PMM2: variants seen among roughly 807,000 people sequenced by gnomAD.
The protein encoded by PMM2 is phosphomannomutase 2.
Under a neutral mutation model 33.2 loss-of-function variants are expected in PMM2, and 35 were observed. That is an observed-to-expected ratio of 1.06 (90% CI 0.81 to 1.40). The LOEUF (loss-of-function observed/expected upper bound fraction) is 1.40, where lower values mean the gene tolerates loss of function less well. Ranked by LOEUF, PMM2 falls within the 40% of genes most tolerant of loss-of-function variation. The pLI, the probability that PMM2 is intolerant of heterozygous loss-of-function variation, is 0.00. For missense variants in PMM2, 386 were observed against 306.0 expected, an observed-to-expected ratio of 1.26 and a Z score of -1.95; for synonymous variants, 153 against 114.7, an observed-to-expected ratio of 1.33 and a Z score of -2.13.
chr16:8,812,982 AC>A lies in PMM2; in HGVS notation c.524-6del, dbSNP rs746143153. The A allele has an allele frequency of 1.3e-6, 2 of 1,544,778 alleles. No homozygotes were observed. The highest frequency in any genetic ancestry group is 1.8e-6 in the Non-Finnish European group (2 of 1,116,692). On this transcript the variant is annotated splice_polypyrimidine_tract_variant and splice_region_variant and intron_variant, in intron 6 of 7. Coordinates refer to ENST00000268261, the MANE Select transcript of PMM2 (RefSeq NM_000303.3). ...TTTTGCCTTTGTGTGCCCCGTCCCCACCCGGCAGGAGGCCAGATCAGCTTTG... is the reference window on the plus strand; with the variant it reads ...TTTTGCCTTTGTGTGCCCCGTCCCCACCGGCAGGAGGCCAGATCAGCTTTG...
intron 7 of PMM2, among the ~76,000 whole-genome samples, chr16:8,844,084 A>G (rs1448036051): frequency 2.6e-5 from 4 of 152,170 alleles, no homozygotes; most frequent in African/African-American, 9.7e-5. Context: ...AATTATTTAG[A>G]TCTTGCAGGA....
intron 7 of PMM2, among the ~76,000 whole-genome samples, chr16:8,843,476 C>T (rs1050615248): frequency 1.3e-4 from 20 of 150,546 alleles, no homozygotes; most frequent in Admixed American, 9.3e-4. Flanking sequence ...AGATGGGACA[C>T]GGCTTAGGAG....
At chr16:8,816,117 G>C (rs1304180303) in intron 7 of PMM2, among the ~76,000 whole-genome samples, 1 of 152,120 alleles carries the variant, frequency 6.6e-6, no homozygotes, top group East Asian at 1.9e-4. Flanking sequence ...ACACCTGCCA[G>C]GATGGCCATT....
chr16:8,825,183 A>G (rs148603899), intron 7 of PMM2, among the ~76,000 whole-genome samples: 1,771 of 152,138 alleles, frequency 0.012, 31 homozygotes, highest in African/African-American at 0.041. Context: ...GGCGTGTGCC[A>G]CCACGCCTGG....
intron 4 of PMM2, chr16:8,810,485 T>C (rs1162205129): frequency 6.5e-6 from 1 of 153,748 alleles, no homozygotes; most frequent in Non-Finnish European, 1.4e-5. Context: ...TTTTAAATTT[T>C]CTGTAGCCAC....
chr16:8,847,703 C>G lies in PMM2; in HGVS notation c.640-21C>G, dbSNP rs748936943. 4 of 1,575,054 alleles carry G rather than the reference C, an allele frequency of 2.5e-6. No individual in the cohort carries two copies. The South Asian group carries it at 3.3e-5, about 13-fold the overall frequency. On this transcript the variant is annotated intron_variant, in intron 7 of 7. Transcript: ENST00000268261. ...GGGACAGACGAGGGGGAGCCTTCAT[C>G]TGTACTTCGTGTCTTTCCAGGGTGG...
At chr16:8,824,490 G>A (rs1437866098) in intron 7 of PMM2, among the ~76,000 whole-genome samples, 2 of 152,148 alleles carry the variant, frequency 1.3e-5, no homozygotes, top group Admixed American at 6.5e-5. Context: ...ATACTGAGAC[G>A]TATCAGAATT....
At chr16:8,804,019 T>TG (rs756065198) in intron 2 of PMM2, among the ~76,000 whole-genome samples, 1 of 113,048 alleles carries the variant, frequency 8.8e-6, no homozygotes, top group African/African-American at 3.6e-5. Flanking sequence ...TTTTGTTTTT[T>TG]GGGTTTTTTT....
Position 8,798,062 on chromosome 16 carries a change from C to A in PMM2, c.66+114C>A, listed in dbSNP as rs1237513367. ...AGGGGTGGCTAAGGACCGCCTACGTCCTCACGGCGCTGAACCCTATTCTGG... is the reference window on the plus strand; with the variant it reads ...AGGGGTGGCTAAGGACCGCCTACGTACTCACGGCGCTGAACCCTATTCTGG... On this transcript the variant is annotated intron_variant, in intron 1 of 7. Coordinates refer to ENST00000268261, the MANE Select transcript of PMM2 (RefSeq NM_000303.3). 27 of 983,012 alleles carry A rather than the reference C, an allele frequency of 2.7e-5. No individual in the cohort carries two copies. In the Admixed American group the frequency reaches 4.0e-4, roughly 15 times the overall value. The allele number at this position is 983,012 out of a possible 1,614,324, so 60.9% of individuals were successfully genotyped here.
intron 7 of PMM2, among the ~76,000 whole-genome samples, chr16:8,827,520 C>T (rs2060776277): frequency 6.7e-6 from 1 of 149,764 alleles, no homozygotes; most frequent in Non-Finnish European, 1.5e-5. Context: ...CTCAGCCTCC[C>T]GAGTAGCTGG....
In PMM2 at chr16:8,804,693, C is replaced by G. The variant is rs141896135; in HGVS notation, c.179-74C>G. The G allele has an allele frequency of 5.2e-6, 5 of 954,264 alleles. No individual in the cohort carries two copies. The African/African-American group carries it at 8.0e-5, about 15-fold the overall frequency. The allele number at this position is 954,264 out of a possible 1,614,324, so 59.1% of individuals were successfully genotyped here. ...GGAGTTTAGCGGTTTTATTGGTGGTCATTGTTAATCAAGGAGTAAAAACAC... is the reference window on the plus strand; with the variant it reads ...GGAGTTTAGCGGTTTTATTGGTGGTGATTGTTAATCAAGGAGTAAAAACAC... On this transcript the variant is annotated intron_variant, in intron 2 of 7. Coordinates refer to ENST00000268261, the MANE Select transcript of PMM2 (RefSeq NM_000303.3).
intron 7 of PMM2, among the ~76,000 whole-genome samples, chr16:8,824,553 T>C (rs1366484837): frequency 1.3e-5 from 2 of 152,240 alleles, no homozygotes; most frequent in Non-Finnish European, 2.9e-5. Context: ...GTTATACGAC[T>C]ATAAACCCAA....
intron 7 of PMM2, among the ~76,000 whole-genome samples, chr16:8,830,431 G>A (rs966737300): frequency 6.6e-6 from 1 of 152,174 alleles, no homozygotes; most frequent in African/African-American, 2.4e-5. Flanking sequence ...CAAGAATTTG[G>A]GGATTTGAGT....
At chr16:8,799,343 T>C (rs962699300) in intron 1 of PMM2, among the ~76,000 whole-genome samples, 1 of 152,212 alleles carries the variant, frequency 6.6e-6, no homozygotes, top group African/African-American at 2.4e-5. Flanking sequence ...ATAGTTGTTA[T>C]TACCGTTTTA....
At chr16:8,836,508 C>A (rs535602555) in intron 7 of PMM2, among the ~76,000 whole-genome samples, 8 of 151,918 alleles carry the variant, frequency 5.3e-5, no homozygotes, top group African/African-American at 1.9e-4. Context: ...TCTGGAGGAA[C>A]GCCTGGCTGC....
At chr16:8,835,045 G>A (rs577350862) in intron 7 of PMM2, among the ~76,000 whole-genome samples, 1 of 150,386 alleles carries the variant, frequency 6.6e-6, no homozygotes, top group East Asian at 1.9e-4. Flanking sequence ...TACGAGAAAT[G>A]TAGAGAGTGA....
intron 1 of PMM2, 104 bp downstream of exon 1, chr16:8,798,052 C>A: frequency 9.4e-7 from 1 of 1,059,138 alleles, no homozygotes; most frequent in Non-Finnish European, 1.4e-6. Context: ...TGGCTAAGGA[C>A]CGCCTACGTC....
At chr16:8,804,022 G>T (rs190064029) in intron 2 of PMM2, among the ~76,000 whole-genome samples, 871 of 25,726 alleles carry the variant, frequency 0.034, 15 homozygotes, top group African/African-American at 0.11. Context: ...TGTTTTTTGG[G>T]TTTTTTTTGT....
intron 7 of PMM2, among the ~76,000 whole-genome samples, chr16:8,816,330 TG>T (rs1169019595): frequency 3.3e-5 from 5 of 151,772 alleles, no homozygotes; most frequent in Non-Finnish European, 5.9e-5. Flanking sequence ...TTCACCATGT[TG>T]GCCAGCCTGG....
Sources: gnomAD v4.1 joint callset for allele counts (sites outside exome capture counted in the v4.1 genomes callset) on GRCh38, gnomAD v4.1.1 for gene constraint, MANE v1.5 for transcripts, NCBI Gene and HGNC (gene_info 2026-07-23, HGNC 2026-07-21) for gene names.